The following MAP7 variants were observed in gnomAD, a reference collection of about 807,000 sequenced individuals.
The protein encoded by MAP7 is ensconsin.
A neutral mutation model predicts 94.8 loss-of-function variants in MAP7; 52 were observed. The ratio of observed to expected loss-of-function variants is 0.55; its 90% CI spans 0.44 to 0.69. The LOEUF is 0.69. MAP7 is among the 30% of genes least tolerant of loss of function. The pLI is 0.00. For synonymous variants in MAP7, 350 were observed against 357.0 expected (o/e 0.98, Z 0.22); for missense variants, 940 against 964.6 (o/e 0.97, Z 0.34).
intron 1 of MAP7, among the ~76,000 whole-genome samples, chr6:136,514,239 T>C (rs1758883291): frequency 6.6e-6 from 1 of 152,184 alleles, no homozygotes; most frequent in Non-Finnish European, 1.5e-5. Flanking sequence ...AATTATTCCT[T>C]GATCCATGGA....
Position 136,343,675 on chromosome 6 carries a change from A to C in MAP7, c.*553T>G, listed in dbSNP as rs1387136838. On this transcript the variant is annotated 3_prime_UTR_variant, in exon 18 of 18. Coordinates refer to ENST00000354570, the MANE Select transcript of MAP7 (RefSeq NM_003980.6). ...AGAAAAATGTGACAGCTGGGTTTGC[A>C]GAATGTCCATGTACAAGCTGTATTT... is the stretch of plus-strand genomic sequence containing the variant. 6.6e-6 allele frequency: 1 copy of C among 152,214 alleles called. No homozygotes were observed. The highest frequency in any genetic ancestry group is 2.4e-5 in the African/African-American group (1 of 41,456). 9.4% of individuals were successfully genotyped at this position (152,214 alleles called of 1,614,324 possible).
chr6:136,397,662 C>G (rs1782899432), intron 3 of MAP7, among the ~76,000 whole-genome samples: 1 of 152,090 alleles, frequency 6.6e-6, no homozygotes, highest in South Asian at 2.1e-4. Context: ...GACAAAGTGG[C>G]CCACTGGAAG....
rs560097516 is a variant in MAP7, at chr6:136,361,613, A to C, written c.1527-434T>G. Among the ~76,000 whole-genome samples the C allele has an allele frequency of 3.3e-5, 5 of 152,378 alleles. No individual in the cohort carries two copies. The South Asian group carries it at 1.0e-3, about 32-fold the overall frequency. On this transcript the variant is annotated intron_variant, in intron 11 of 17. Coordinates refer to ENST00000354570, the MANE Select transcript of MAP7 (RefSeq NM_003980.6). ...CCATGTAAGCTCCCTGTTGGAGCCA[A>C]GGGAAAGGCATGGCCAAGATGGCGG... is the stretch of plus-strand genomic sequence containing the variant.
intron 1 of MAP7, among the ~76,000 whole-genome samples, chr6:136,478,259 A>T (rs553558958): frequency 1.3e-5 from 2 of 152,254 alleles, no homozygotes; most frequent in East Asian, 3.9e-4. Flanking sequence ...CAAACACAAG[A>T]TTAATAGAAG....
intron 1 of MAP7, among the ~76,000 whole-genome samples, chr6:136,488,323 A>G (rs182525773): frequency 1.9e-4 from 29 of 152,290 alleles, no homozygotes; most frequent in Non-Finnish European, 3.5e-4. Context: ...TATGAAGACA[A>G]TATGCTCCAA....
intron 1 of MAP7, among the ~76,000 whole-genome samples, chr6:136,482,729 C>A (rs191756488): frequency 6.2e-4 from 94 of 152,254 alleles, no homozygotes; most frequent in African/African-American, 2.1e-3. Flanking sequence ...TCTGCTCTTA[C>A]AAGACCATTC....
At chr6:136,425,660 T>C (rs1225535987) in intron 1 of MAP7, among the ~76,000 whole-genome samples, 1 of 152,200 alleles carries the variant, frequency 6.6e-6, no homozygotes, top group Non-Finnish European at 1.5e-5. Flanking sequence ...AAGTGTTTTA[T>C]CCAATGTGAT....
chr6:136,537,170 G>A (rs1477099283), intron 1 of MAP7, among the ~76,000 whole-genome samples: 1 of 149,628 alleles, frequency 6.7e-6, no homozygotes, highest in Non-Finnish European at 1.5e-5. Flanking sequence ...AAACTTTGAT[G>A]CTGTTCTCAG....
chr6:136,361,950 C>T (rs1309337608), intron 11 of MAP7, among the ~76,000 whole-genome samples: 1 of 152,162 alleles, frequency 6.6e-6, no homozygotes, highest in Non-Finnish European at 1.5e-5. Flanking sequence ...TGTACCTCTG[C>T]TGTGGTTATA....
At position 136,505,447 on chromosome 6, in the gene MAP7, G is replaced by A. The variant is rs555436369; in HGVS notation, c.67+44895C>T. On this transcript the variant is annotated intron_variant, in intron 1 of 17. Transcript: ENST00000354570. Reference sequence around the variant, plus strand: ...GTGTCCCCATTTTTGTGTGTCTGATGTAAAAGTACTGTTTGCCTCACAATG... The same window carrying A: ...GTGTCCCCATTTTTGTGTGTCTGATATAAAAGTACTGTTTGCCTCACAATG... Among the ~76,000 whole-genome samples the A allele has an allele frequency of 5.2e-4, 79 of 151,522 alleles. 1 individual carries two copies. The highest frequency in any genetic ancestry group is 1.8e-3 in the African/African-American group (76 of 41,216).
chr6:136,397,517 C>G (rs920402652), intron 3 of MAP7, among the ~76,000 whole-genome samples: 15 of 150,732 alleles, frequency 1.0e-4, no homozygotes, highest in Non-Finnish European at 1.9e-4. Context: ...CCACCCCCAC[C>G]AAGTTCATAT....
chr6:136,526,660 T>A lies in MAP7; in HGVS notation c.67+23682A>T, dbSNP rs1191353517. Reference sequence around the variant, plus strand: ...TCCTCTCAGCGGCAGCGCAGCAGGATGGGAGGAGAAAGAGTTTTGCTTGCA... The same window carrying A: ...TCCTCTCAGCGGCAGCGCAGCAGGAAGGGAGGAGAAAGAGTTTTGCTTGCA... On this transcript the variant is annotated intron_variant, in intron 1 of 17. Transcript: ENST00000354570. The A allele has an allele frequency of 5.1e-6, 5 of 985,356 alleles. No homozygotes were observed. The African/African-American group carries it at 5.2e-5, about 10-fold the overall frequency. 61.0% of individuals were successfully genotyped at this position (985,356 alleles called of 1,614,324 possible).
chr6:136,484,127 G>A (rs1036570654), intron 1 of MAP7, among the ~76,000 whole-genome samples: 9 of 152,170 alleles, frequency 5.9e-5, no homozygotes, highest in African/African-American at 1.4e-4. Flanking sequence ...GCGAAGCCCT[G>A]AAATATCCAT....
chr6:136,372,798 T>C, intron 7 of MAP7, 173 bp from the exon 8 acceptor site: 5 of 703,524 alleles, frequency 7.1e-6, no homozygotes, highest in South Asian at 1.9e-5. Context: ...AGAACCATCA[T>C]ACTCAACTGT....
In MAP7 at chr6:136,365,835, T is replaced by C; in HGVS notation, c.1173A>G (p.Lys391=). The change falls in exon 10 of 18, where the codon AAA becomes AAG. Residue 391 remains lysine (K), a synonymous_variant. Transcript: ENST00000354570. ...EKKDPEKEPQ[K]VANEPSLKGR... Reference sequence around the variant, plus strand: ...CCTTTAGTGAGGGCTCATTGGCAACTTTCTGAGGTTCCTTCTCAGGATCTT... The same window carrying C: ...CCTTTAGTGAGGGCTCATTGGCAACCTTCTGAGGTTCCTTCTCAGGATCTT... 1 of 1,614,146 alleles carries C rather than the reference T, an allele frequency of 6.2e-7. No homozygotes were observed. Among genetic ancestry groups the C allele is most frequent in the Admixed American group, 1.7e-5 (1 of 60,024 alleles).
chr6:136,475,265 C>T (rs1810495038), intron 1 of MAP7, among the ~76,000 whole-genome samples: 1 of 152,208 alleles, frequency 6.6e-6, no homozygotes, highest in African/African-American at 2.4e-5. Flanking sequence ...TACTCTCTTA[C>T]CAACACTGTA....
At chr6:136,528,570 C>T (rs912157125) in intron 1 of MAP7, among the ~76,000 whole-genome samples, 17 of 152,178 alleles carry the variant, frequency 1.1e-4, no homozygotes, top group Admixed American at 2.0e-4. Flanking sequence ...AAAAACCCCA[C>T]ATACAAAATA....
At chr6:136,464,297 T>C (rs1011216734) in intron 1 of MAP7, among the ~76,000 whole-genome samples, 16 of 152,218 alleles carry the variant, frequency 1.1e-4, no homozygotes, top group African/African-American at 3.9e-4. Context: ...CTACAGGAGT[T>C]ATAATTATCC....
intron 1 of MAP7, among the ~76,000 whole-genome samples, chr6:136,505,931 T>A (rs925157658): frequency 6.6e-6 from 1 of 152,218 alleles, no homozygotes; most frequent in Non-Finnish European, 1.5e-5. Flanking sequence ...TATGTTGATA[T>A]AATCTTTTCC....
Sources: allele counts gnomAD v4.1 joint callset (sites outside exome capture counted in the v4.1 genomes callset), GRCh38; gene constraint gnomAD v4.1.1; transcripts MANE v1.5; gene names NCBI Gene and HGNC (gene_info 2026-07-23, HGNC 2026-07-21).